Variants in UBASH3B observed in about 807,000 individuals in gnomAD.
The protein encoded by UBASH3B is ubiquitin-associated and SH3 domain-containing protein B.
UBASH3B carries 37 observed loss-of-function variants against 83.4 expected under a neutral mutation model. The observed-to-expected ratio is 0.44, with a 90% CI of 0.34 to 0.58. The LOEUF (loss-of-function observed/expected upper bound fraction) is 0.58. Ranked by LOEUF, UBASH3B falls within the 20% of genes least tolerant of loss-of-function variation. The pLI, the probability that UBASH3B is intolerant of heterozygous loss-of-function variation, is 0.01. For missense variants in UBASH3B, 657 were observed against 827.2 expected, an observed-to-expected ratio of 0.79 and a Z score of 2.52; for synonymous variants, 304 against 318.3, an observed-to-expected ratio of 0.96 and a Z score of 0.48.
chr11:122,759,875 G>C lies in UBASH3B; in HGVS notation c.162-16344G>C, dbSNP rs1477637907. On this transcript the variant is annotated intron_variant, in intron 1 of 13. Coordinates refer to ENST00000284273, the MANE Select transcript of UBASH3B (RefSeq NM_032873.5). This position sits in a 1 kb window ranked among gnomAD's most constrained non-coding sequence, Gnocchi z 4.1. ...CCTGACTTAGATGTGTCTTATGTGTGTCATAATGGAATAGCACAAGTGATT... is the reference window on the plus strand; with the variant it reads ...CCTGACTTAGATGTGTCTTATGTGTCTCATAATGGAATAGCACAAGTGATT... Among the ~76,000 whole-genome samples, 1 of 152,222 alleles carries C rather than the reference G, an allele frequency of 6.6e-6. No individual in the cohort carries two copies. The highest frequency in any genetic ancestry group is 1.5e-5 in the Non-Finnish European group (1 of 68,038).
chr11:122,750,267 C>T (rs1388863027), intron 1 of UBASH3B, among the ~76,000 whole-genome samples: 3 of 152,138 alleles, frequency 2.0e-5, no homozygotes, highest in Non-Finnish European at 4.4e-5. Context: ...TTGCAGGGCC[C>T]CCCCACCTTT....
chr11:122,757,411 G>A (rs534323599), intron 1 of UBASH3B, among the ~76,000 whole-genome samples: 8 of 152,288 alleles, frequency 5.3e-5, no homozygotes, highest in Non-Finnish European at 1.0e-4. Context: ...AGCTTGGTCC[G>A]ATAGCCTCCA....
chr11:122,792,826 G>A (rs953018473), intron 6 of UBASH3B, among the ~76,000 whole-genome samples: 1 of 152,122 alleles, frequency 6.6e-6, no homozygotes, highest in African/African-American at 2.4e-5. Flanking sequence ...TCCCACCCCT[G>A]ACCTACTGAG....
chr11:122,721,081 C>T (rs889112523), intron 1 of UBASH3B, among the ~76,000 whole-genome samples: 9 of 148,070 alleles, frequency 6.1e-5, no homozygotes, highest in Admixed American at 6.0e-4. Context: ...CCGTCTCTAC[C>T]AAAAATACAA....
intron 6 of UBASH3B, among the ~76,000 whole-genome samples, chr11:122,793,175 G>A (rs548205329): frequency 1.3e-5 from 2 of 152,278 alleles, no homozygotes; most frequent in South Asian, 2.1e-4. Context: ...CTGAGGTCAG[G>A]AGTTTGAGAC....
At chr11:122,658,627 C>T (rs2135887411) in intron 1 of UBASH3B, among the ~76,000 whole-genome samples, 1 of 152,330 alleles carries the variant, frequency 6.6e-6, no homozygotes, top group East Asian at 1.9e-4. Context: ...GCATAACTTG[C>T]TCAAGGTCAC....
At chr11:122,697,012 G>A (rs1863973108) in intron 1 of UBASH3B, among the ~76,000 whole-genome samples, 1 of 152,192 alleles carries the variant, frequency 6.6e-6, no homozygotes, top group African/African-American at 2.4e-5. Flanking sequence ...GTCACTGGCG[G>A]TGTTTGTTCA....
At chr11:122,669,983 C>G (rs758482168) in intron 1 of UBASH3B, among the ~76,000 whole-genome samples, 1 of 152,148 alleles carries the variant, frequency 6.6e-6, no homozygotes, top group South Asian at 2.1e-4. Context: ...AACTTGAGAT[C>G]TAAATAAATG....
chr11:122,725,258 C>T (rs1860713093), intron 1 of UBASH3B, among the ~76,000 whole-genome samples: 1 of 149,408 alleles, frequency 6.7e-6, no homozygotes, highest in Admixed American at 6.8e-5. Context: ...GTGTGAGCCA[C>T]CGTGCCCGGC....
At chr11:122,721,062 G>A (rs994888564) in intron 1 of UBASH3B, among the ~76,000 whole-genome samples, 4 of 151,576 alleles carry the variant, frequency 2.6e-5, no homozygotes, top group African/African-American at 4.9e-5. Flanking sequence ...CGGCTCACAC[G>A]GTGAAACCCC....
chr11:122,656,309 A>G, intron 1 of UBASH3B, 99 bp downstream of exon 1: 1 of 1,193,500 alleles, frequency 8.4e-7, no homozygotes, highest in Non-Finnish European at 1.1e-6. Flanking sequence ...CGGGACAGGC[A>G]GCGCGCTCCC....
intron 1 of UBASH3B, among the ~76,000 whole-genome samples, chr11:122,765,134 G>C (rs1440729236): frequency 6.6e-6 from 1 of 151,638 alleles, no homozygotes; most frequent in Non-Finnish European, 1.5e-5. Context: ...ACTAGGTTCG[G>C]TTTTATTCAT....
chr11:122,759,222 C>G lies in UBASH3B; in HGVS notation c.162-16997C>G, dbSNP rs1861330652. On this transcript the variant is annotated intron_variant, in intron 1 of 13. Coordinates refer to ENST00000284273, the MANE Select transcript of UBASH3B (RefSeq NM_032873.5). This position sits in a 1 kb window ranked among gnomAD's most constrained non-coding sequence, Gnocchi z 4.1. The stretch of plus-strand genomic sequence containing the variant: ...TGTTGGATGTTGGCTACAAGCCACT[C>G]TCAGGTCCTAACGAGGCTGCCTGCA... 1.3e-5 allele frequency among the ~76,000 whole-genome samples: 2 copies of G among 152,240 alleles called. No individual in the cohort carries two copies. The highest frequency in any genetic ancestry group is 6.5e-5 in the Admixed American group (1 of 15,290).
intron 6 of UBASH3B, among the ~76,000 whole-genome samples, chr11:122,794,082 C>T (rs986035338): frequency 6.6e-6 from 1 of 152,192 alleles, no homozygotes; most frequent in African/African-American, 2.4e-5. Flanking sequence ...TATTCTTGAA[C>T]TTGTCTTTGG....
intron 1 of UBASH3B, among the ~76,000 whole-genome samples, chr11:122,659,214 C>T (rs1034331118): frequency 2.0e-5 from 3 of 152,070 alleles, no homozygotes; most frequent in Admixed American, 2.0e-4. Context: ...ATGTATAAGG[C>T]GGCATTCACA....
At chr11:122,678,703 A>G (rs941627965) in intron 1 of UBASH3B, among the ~76,000 whole-genome samples, 2 of 152,162 alleles carry the variant, frequency 1.3e-5, no homozygotes, top group East Asian at 3.8e-4. Flanking sequence ...GCCATTCCCA[A>G]AATCTCTTAA....
rs562307326 is a variant in UBASH3B, at chr11:122,777,153, C to T, written c.345C>T (p.Cys115=). The T allele has an allele frequency of 5.9e-5, 95 of 1,614,054 alleles. No individual in the cohort carries two copies. The highest frequency in any genetic ancestry group is 7.5e-5 in the Non-Finnish European group (88 of 1,179,992). The change falls in exon 3 of 14, where the codon TGC becomes TGT. Residue 115 remains cysteine (C), a synonymous_variant. Transcript: ENST00000284273. The stretch of plus-strand genomic sequence containing the variant: ...TTTGGCAGCAGTCGAAGCAGATCTG[C>T]GGGAAGAACAAGGCACACAACATCT... The part of the protein sequence containing the change: ...SDFWQQSKQI[C]GKNKAHNIFP...
intron 3 of UBASH3B, among the ~76,000 whole-genome samples, chr11:122,779,191 C>T (rs754453999): frequency 1.3e-5 from 2 of 152,224 alleles, no homozygotes; most frequent in Non-Finnish European, 2.9e-5. Flanking sequence ...TCCCCAATCT[C>T]GCTCCCCTTT....
chr11:122,735,805 A>C lies in UBASH3B; in HGVS notation c.162-40414A>C, dbSNP rs547707094. Reference sequence around the variant, plus strand: ...AGGTCATGAGGGAGGCAGAGTTCAGAGTTGTGGGATGTAGGGGGCATGAGA... The same window carrying C: ...AGGTCATGAGGGAGGCAGAGTTCAGCGTTGTGGGATGTAGGGGGCATGAGA... On this transcript the variant is annotated intron_variant, in intron 1 of 13. Coordinates refer to ENST00000284273, the MANE Select transcript of UBASH3B (RefSeq NM_032873.5). 2.0e-5 allele frequency among the ~76,000 whole-genome samples: 3 copies of C among 152,304 alleles called. No individual in the cohort carries two copies. In the East Asian group the frequency reaches 5.8e-4, roughly 29 times the overall value.
Sources: gnomAD v4.1 joint callset for allele counts (sites outside exome capture counted in the v4.1 genomes callset) on GRCh38, gnomAD v4.1.1 for gene constraint, Gnocchi (gnomAD v3.1) non-coding constraint, MANE v1.5 for transcripts, NCBI Gene and HGNC (gene_info 2026-07-23, HGNC 2026-07-21) for gene names.